CACNA2D3: variants seen among roughly 807,000 people sequenced by gnomAD.
The protein encoded by CACNA2D3 is voltage-dependent calcium channel subunit alpha-2/delta-3.
Under a neutral mutation model 160.6 loss-of-function variants are expected in CACNA2D3, and 60 were observed. That is an observed-to-expected ratio of 0.37 (90% CI 0.30 to 0.46). The LOEUF (loss-of-function observed/expected upper bound fraction) is 0.46. Ranked by LOEUF, CACNA2D3 falls within the 20% of genes least tolerant of loss-of-function variation. The pLI is 1.00. For missense variants in CACNA2D3, 1,205 were observed against 1,365.0 expected (o/e 0.88, Z 1.85); for synonymous variants, 558 against 492.9 (o/e 1.13, Z -1.75).
At chr3:54,833,846 G>C (rs1224338907) in intron 14 of CACNA2D3, among the ~76,000 whole-genome samples, 5 of 152,070 alleles carry the variant, frequency 3.3e-5, no homozygotes, top group African/African-American at 4.8e-5. Flanking sequence ...TGATGAACTG[G>C]TATACATAGG....
At chr3:54,990,613 C>T (rs1702717757) in intron 31 of CACNA2D3, among the ~76,000 whole-genome samples, 2 of 152,184 alleles carry the variant, frequency 1.3e-5, no homozygotes, top group Non-Finnish European at 2.9e-5. Flanking sequence ...GACAGAGCTC[C>T]AAGAGGAGAG....
At position 54,834,278 on chromosome 3, in the gene CACNA2D3, AATTTG is replaced by A. The variant is rs563954755; in HGVS notation, c.1399-2874_1399-2870del. 1.8e-3 allele frequency among the ~76,000 whole-genome samples: 279 copies of A among 152,296 alleles called. 1 individual carries two copies. The highest frequency in any genetic ancestry group is 6.5e-3 in the African/African-American group (270 of 41,560). ...CATGTTACATGTTGGCACTGCTTGAAATTTGATTTGAGTTGCAAAGTGGAAGTTGT... is the reference window on the plus strand; with the variant it reads ...CATGTTACATGTTGGCACTGCTTGAAATTTGAGTTGCAAAGTGGAAGTTGT... On this transcript the variant is annotated intron_variant, in intron 14 of 37. Coordinates refer to ENST00000474759, the MANE Select transcript of CACNA2D3 (RefSeq NM_018398.3).
At chr3:55,056,987 T>G (rs970167251) in intron 35 of CACNA2D3, among the ~76,000 whole-genome samples, 2 of 152,212 alleles carry the variant, frequency 1.3e-5, no homozygotes. Flanking sequence ...TTTGAGGTGA[T>G]GGATTCTGAT....
chr3:54,224,187 G>C (rs1701626040), intron 2 of CACNA2D3, among the ~76,000 whole-genome samples: 1 of 152,052 alleles, frequency 6.6e-6, no homozygotes, highest in African/African-American at 2.4e-5. Context: ...TTCATGGGCA[G>C]TAACACCTAG....
intron 14 of CACNA2D3, among the ~76,000 whole-genome samples, chr3:54,822,798 T>TCTTTCTTTC (rs1703657140): frequency 7.3e-5 from 6 of 81,906 alleles, no homozygotes; most frequent in East Asian, 7.5e-4. Flanking sequence ...TTCCTTTCTT[T>TCTTTCTTTC]CTTTCTTTCT....
intron 3 of CACNA2D3, among the ~76,000 whole-genome samples, chr3:54,321,571 T>C (rs1476211072): frequency 6.6e-6 from 1 of 152,198 alleles, no homozygotes; most frequent in African/African-American, 2.4e-5. Flanking sequence ...TACTCACTTG[T>C]ATTATCCTTG....
chr3:54,740,980 C>T (rs1396420368), intron 11 of CACNA2D3, among the ~76,000 whole-genome samples: 1 of 152,180 alleles, frequency 6.6e-6, no homozygotes, highest in African/African-American at 2.4e-5. Flanking sequence ...AGGCATGCGG[C>T]TTCTTACTGT....
intron 27 of CACNA2D3, among the ~76,000 whole-genome samples, chr3:54,967,747 T>C (rs1302387497): frequency 6.6e-6 from 1 of 152,192 alleles, no homozygotes; most frequent in East Asian, 1.9e-4. Context: ...CTTCCTCATG[T>C]TATAGTTTTG....
intron 2 of CACNA2D3, among the ~76,000 whole-genome samples, chr3:54,150,198 C>T (rs903142442): frequency 6.6e-6 from 1 of 151,922 alleles, no homozygotes; most frequent in Admixed American, 6.6e-5. Flanking sequence ...AGATGAAAAA[C>T]CCCTAGAACT....
At chr3:54,273,966 A>G (rs540815307) in intron 2 of CACNA2D3, among the ~76,000 whole-genome samples, 2 of 150,230 alleles carry the variant, frequency 1.3e-5, no homozygotes, top group African/African-American at 5.1e-5. Context: ...GTTGCATCAT[A>G]CTGCTAAGTG....
rs149096374 is a variant in CACNA2D3, at chr3:55,040,332, C to G, written c.2987+22015C>G. On this transcript the variant is annotated intron_variant, in intron 35 of 37. Transcript: ENST00000474759. The stretch of plus-strand genomic sequence containing the variant: ...CATAGTGTATCTCTTTTCTCTTACA[C>G]TAAAAATCTCACTTCCTAACCATAT... Among the ~76,000 whole-genome samples, 452 of 152,238 alleles carry G rather than the reference C, an allele frequency of 3.0e-3. 3 individuals carry two copies. The highest frequency in any genetic ancestry group is 0.01 in the African/African-American group (434 of 41,524).
chr3:54,918,704 C>T (rs61735200), intron 27 of CACNA2D3: 14 of 1,614,132 alleles, frequency 8.7e-6, no homozygotes, highest in East Asian at 4.5e-5. Context: ...AGTTCTCGCT[C>T]CCCCGCGTTG....
intron 9 of CACNA2D3, among the ~76,000 whole-genome samples, chr3:54,624,026 G>A (rs1211088763): frequency 6.6e-6 from 1 of 152,078 alleles, no homozygotes. Flanking sequence ...AGAAGAGGGA[G>A]TTGGACATGA....
At chr3:54,871,475 T>C in intron 17 of CACNA2D3, 64 bp from the exon 18 acceptor site, 1 of 1,260,810 alleles carries the variant, frequency 7.9e-7, no homozygotes, top group Non-Finnish European at 1.1e-6. Flanking sequence ...AAGGTAAAGA[T>C]TGCCCTGGCT....
chr3:54,670,769 A>G (rs1389416954), intron 11 of CACNA2D3, among the ~76,000 whole-genome samples: 1 of 152,176 alleles, frequency 6.6e-6, no homozygotes, highest in Non-Finnish European at 1.5e-5. Flanking sequence ...ACAAGCAGAC[A>G]CACACCCTCA....
At chr3:54,684,343 C>T (rs981909539) in intron 11 of CACNA2D3, among the ~76,000 whole-genome samples, 4 of 152,114 alleles carry the variant, frequency 2.6e-5, no homozygotes, top group East Asian at 3.9e-4. Context: ...ACTGTATCTG[C>T]GAAGACCCTG....
chr3:54,414,540 G>A (rs950652316), intron 4 of CACNA2D3, among the ~76,000 whole-genome samples: 1 of 152,106 alleles, frequency 6.6e-6, no homozygotes, highest in African/African-American at 2.4e-5. Context: ...TACCACGTTA[G>A]TGACCCTCTT....
At chr3:54,461,372 T>G (rs912192993) in intron 4 of CACNA2D3, among the ~76,000 whole-genome samples, 1 of 151,246 alleles carries the variant, frequency 6.6e-6, no homozygotes, top group African/African-American at 2.4e-5. Context: ...TCCTTGTACC[T>G]CTGGTAGAAT....
chr3:54,224,566 G>A lies in CACNA2D3; in HGVS notation c.205-95876G>A, dbSNP rs545190207. On this transcript the variant is annotated intron_variant, in intron 2 of 37. Transcript: ENST00000474759. The stretch of plus-strand genomic sequence containing the variant: ...TCCATTATAATCTTATGAGACCACC[G>A]TCGTATATGCCATTTGTTGTTGACT... 3.9e-5 allele frequency among the ~76,000 whole-genome samples: 6 copies of A among 152,232 alleles called. No individual in the cohort carries two copies. The East Asian group carries it at 7.7e-4, about 20-fold the overall frequency.
Sources: gnomAD v4.1 joint callset for allele counts (sites outside exome capture counted in the v4.1 genomes callset) on GRCh38, gnomAD v4.1.1 for gene constraint, MANE v1.5 for transcripts, NCBI Gene and HGNC (gene_info 2026-07-23, HGNC 2026-07-21) for gene names.